The following FOXP1 variants were observed in gnomAD, a reference collection of about 807,000 sequenced individuals.
The protein encoded by FOXP1 is forkhead box P1, also known as forkhead box protein P1.
A neutral mutation model predicts 98.2 loss-of-function variants in FOXP1; 15 were observed. The observed-to-expected ratio is 0.15, with a 90% confidence interval of 0.10 to 0.24. The LOEUF (loss-of-function observed/expected upper bound fraction) is 0.24. Ranked by LOEUF, FOXP1 falls within the 10% of genes least tolerant of loss-of-function variation. The pLI is 1.00. For synonymous variants in FOXP1, 371 were observed against 314.5 expected, an observed-to-expected ratio of 1.18 and a Z score of -1.90; for missense variants, 633 against 848.5, an observed-to-expected ratio of 0.75 and a Z score of 3.15.
chr3:71,362,724 T>C (rs1272261326), intron 3 of FOXP1, among the ~76,000 whole-genome samples: 1 of 152,104 alleles, frequency 6.6e-6, no homozygotes, highest in Non-Finnish European at 1.5e-5. Context: ...CCTGCCTTTG[T>C]CTCCCAAAGT....
intron 5 of FOXP1, among the ~76,000 whole-genome samples, chr3:71,232,417 T>C (rs1160862888): frequency 6.6e-6 from 1 of 152,198 alleles, no homozygotes; most frequent in Admixed American, 6.5e-5. Context: ...ATAATAGTTA[T>C]TCTACCCATC....
intron 12 of FOXP1, among the ~76,000 whole-genome samples, chr3:71,005,633 T>C (rs1234088308): frequency 7.2e-5 from 11 of 152,112 alleles, no homozygotes. Context: ...CCACCCTTGA[T>C]AGGATTGAGT....
intron 3 of FOXP1, among the ~76,000 whole-genome samples, chr3:71,438,448 TCTCGGCTGA>T (rs1403450055): frequency 6.6e-6 from 1 of 152,194 alleles, no homozygotes; most frequent in African/African-American, 2.4e-5. Flanking sequence ...CATTCCATTA[TCTCGGCTGA>T]CTCTCCATCC....
intron 3 of FOXP1, among the ~76,000 whole-genome samples, chr3:71,365,924 A>G (rs1051192397): frequency 6.6e-6 from 1 of 152,216 alleles, no homozygotes; most frequent in Non-Finnish European, 1.5e-5. Flanking sequence ...CAGAGGTTGC[A>G]GTGAGCCCAC....
intron 3 of FOXP1, among the ~76,000 whole-genome samples, chr3:71,431,945 G>A (rs546455808): frequency 3.3e-5 from 5 of 152,272 alleles, no homozygotes; most frequent in African/African-American, 1.2e-4. Flanking sequence ...TCCTGTTGCC[G>A]TGTTGCCCCT....
chr3:71,246,006 C>G lies in FOXP1; in HGVS notation c.-11-47614G>C, dbSNP rs78870634. ...CACTTAGTACGAAAACCACCCCCCC[C>G]CCACCACAAAGCAGTGAGTGAAACA... On this transcript the variant is annotated intron_variant, in intron 5 of 20. Coordinates refer to ENST00000649528, the MANE Select transcript of FOXP1 (RefSeq NM_001349338.3). Among the ~76,000 whole-genome samples, 19 of 144,984 alleles carry G rather than the reference C, an allele frequency of 1.3e-4. No individual in the cohort carries two copies. The South Asian group carries it at 2.2e-3, about 17-fold the overall frequency.
At chr3:71,214,325 T>C (rs2064749694) in intron 5 of FOXP1, among the ~76,000 whole-genome samples, 1 of 152,172 alleles carries the variant, frequency 6.6e-6, no homozygotes, top group South Asian at 2.1e-4. Context: ...GTCACGAACA[T>C]GCCAACGAGA....
At chr3:71,271,715 G>GTTGCTT (rs1384180852) in intron 5 of FOXP1, among the ~76,000 whole-genome samples, 1 of 152,196 alleles carries the variant, frequency 6.6e-6, no homozygotes, top group Non-Finnish European at 1.5e-5. Flanking sequence ...GAAGCTGTCT[G>GTTGCTT]TTGCTTCCCT....
intron 13 of FOXP1, among the ~76,000 whole-genome samples, chr3:70,996,677 C>A (rs568767449): frequency 6.6e-6 from 1 of 152,184 alleles, no homozygotes; most frequent in Non-Finnish European, 1.5e-5. Context: ...GTTGCTTCTA[C>A]AGCTACTGTG....
At chr3:71,581,024 A>G in intron 2 of FOXP1, 1 of 982,774 alleles carries the variant, frequency 1.0e-6, no homozygotes, top group Non-Finnish European at 1.2e-6. Flanking sequence ...GTTTATATTA[A>G]TTTCATTATT....
At chr3:71,348,548 T>TGCGCGC (rs1553853162) in intron 4 of FOXP1, among the ~76,000 whole-genome samples, 5 of 132,126 alleles carry the variant, frequency 3.8e-5, no homozygotes, top group South Asian at 2.2e-4. Flanking sequence ...TGTGTGTGTG[T>TGCGCGC]GCGTGCGCGC....
intron 4 of FOXP1, among the ~76,000 whole-genome samples, chr3:71,324,262 G>A (rs2075558132): frequency 6.6e-6 from 1 of 152,074 alleles, no homozygotes; most frequent in African/African-American, 2.4e-5. Flanking sequence ...CAGTATTAAA[G>A]TAAGGGGTTG....
At chr3:71,204,440 A>G (rs1522172) in intron 5 of FOXP1, among the ~76,000 whole-genome samples, 129,474 of 152,144 alleles carry the variant, frequency 0.85, 55,129 homozygotes, top group Admixed American at 0.91. Context: ...TTTAATGCTC[A>G]TGTGGGTGTT....
chr3:71,081,470 A>C (rs2054407522), intron 7 of FOXP1, among the ~76,000 whole-genome samples: 1 of 152,194 alleles, frequency 6.6e-6, no homozygotes, highest in South Asian at 2.1e-4. Flanking sequence ...CATACCTCTA[A>C]ATAGTTACAG....
chr3:71,370,340 G>A (rs758254095), intron 3 of FOXP1, among the ~76,000 whole-genome samples: 39 of 152,180 alleles, frequency 2.6e-4, no homozygotes, highest in Admixed American at 2.4e-3. Flanking sequence ...CAGGGAGAAA[G>A]GAGTGAGTTA....
intron 11 of FOXP1, among the ~76,000 whole-genome samples, chr3:71,036,790 T>C (rs2047657130): frequency 1.3e-5 from 2 of 152,262 alleles, no homozygotes; most frequent in East Asian, 3.9e-4. Context: ...TAAATATGAA[T>C]ATACACCATA....
At chr3:70,999,800 T>C (rs1158522079) in intron 13 of FOXP1, among the ~76,000 whole-genome samples, 3 of 152,366 alleles carry the variant, frequency 2.0e-5, no homozygotes, top group East Asian at 1.9e-4. Context: ...AAATTCCAAA[T>C]GTAATTATCT....
chr3:71,410,762 C>T (rs1339342891), intron 3 of FOXP1, among the ~76,000 whole-genome samples: 2 of 152,156 alleles, frequency 1.3e-5, no homozygotes, highest in Admixed American at 6.5e-5. Context: ...TCCATGATAC[C>T]TTACCTTTTC....
intron 1 of FOXP1, chr3:71,582,766 G>A: frequency 2.0e-6 from 2 of 985,414 alleles, no homozygotes; most frequent in Non-Finnish European, 2.4e-6. Context: ...GCGTAGGGGT[G>A]CGTGTCTGGC....
Sources: gnomAD v4.1 joint callset for allele counts (sites outside exome capture counted in the v4.1 genomes callset) on GRCh38, gnomAD v4.1.1 for gene constraint, MANE v1.5 for transcripts, NCBI Gene and HGNC (gene_info 2026-07-23, HGNC 2026-07-21) for gene names.